Variants in WWOX observed in about 807,000 individuals in gnomAD.
The protein encoded by WWOX is WW domain containing oxidoreductase.
WWOX carries 69 observed loss-of-function variants against 46.2 expected under a neutral mutation model. That is an observed-to-expected ratio of 1.49 (90% CI 1.23 to 1.82). The LOEUF (loss-of-function observed/expected upper bound fraction) is 1.82, where lower values mean the gene tolerates loss of function less well. WWOX is among the 40% of genes most tolerant of loss of function. The pLI, the probability that WWOX is intolerant of heterozygous loss-of-function variation, is 0.00. For missense variants in WWOX, 919 were observed against 542.6 expected, an observed-to-expected ratio of 1.69 and a Z score of -6.89; for synonymous variants, 359 against 202.6, an observed-to-expected ratio of 1.77 and a Z score of -6.56.
intron 4 of WWOX, among the ~76,000 whole-genome samples, chr16:78,161,191 CT>C (rs1400047026): frequency 6.6e-6 from 1 of 151,644 alleles, no homozygotes; most frequent in Non-Finnish European, 1.5e-5. Flanking sequence ...AATGTACATT[CT>C]TTTTTAAGGA....
At chr16:78,424,672 C>A (rs1216118271) in intron 6 of WWOX, among the ~76,000 whole-genome samples, 198 bp from the exon 7 acceptor site, 1 of 152,156 alleles carries the variant, frequency 6.6e-6, no homozygotes, top group Non-Finnish European at 1.5e-5. Flanking sequence ...CACTCAAAGC[C>A]TTGTGACATT....
chr16:78,961,793 A>G (rs986010128), intron 8 of WWOX, among the ~76,000 whole-genome samples: 1 of 152,182 alleles, frequency 6.6e-6, no homozygotes, highest in African/African-American at 2.4e-5. Flanking sequence ...AGGTTATCAT[A>G]GTAGTCTTGC....
chr16:79,093,619 C>T (rs1038049469), intron 8 of WWOX, among the ~76,000 whole-genome samples: 3 of 152,156 alleles, frequency 2.0e-5, no homozygotes, highest in Non-Finnish European at 4.4e-5. Flanking sequence ...GCAGGGTGGC[C>T]CATTGGCACC....
chr16:78,950,029 C>T (rs989814740), intron 8 of WWOX, among the ~76,000 whole-genome samples: 13 of 152,302 alleles, frequency 8.5e-5, no homozygotes, highest in African/African-American at 3.1e-4. Context: ...CTTTCCAAGG[C>T]TGTGCAGCTC....
In WWOX at chr16:78,431,886, G is replaced by A. The variant is rs77507263; in HGVS notation, c.792-602G>A. Among the ~76,000 whole-genome samples, 716 of 151,826 alleles carry A rather than the reference G, an allele frequency of 4.7e-3. 8 individuals carry two copies. The highest frequency in any genetic ancestry group is 0.017 in the African/African-American group (688 of 41,394). ...CATGTGCCAAAATACTCAACTAATTGTTTATTTTTTGTAGACATGGTGTCT... is the reference window on the plus strand; with the variant it reads ...CATGTGCCAAAATACTCAACTAATTATTTATTTTTTGTAGACATGGTGTCT... On this transcript the variant is annotated intron_variant, in intron 7 of 8. Coordinates refer to ENST00000566780, the MANE Select transcript of WWOX (RefSeq NM_016373.4).
intron 8 of WWOX, among the ~76,000 whole-genome samples, chr16:78,519,501 A>G (rs2043305021): frequency 6.6e-6 from 1 of 151,542 alleles, no homozygotes; most frequent in Non-Finnish European, 1.5e-5. Context: ...ATATATATAT[A>G]TATATTACAT....
At chr16:78,531,477 T>C (rs189227536) in intron 8 of WWOX, among the ~76,000 whole-genome samples, 16 of 152,272 alleles carry the variant, frequency 1.1e-4, no homozygotes, top group Non-Finnish European at 1.6e-4. Flanking sequence ...ATACCAAAAA[T>C]TATCTTTTGT....
intron 8 of WWOX, among the ~76,000 whole-genome samples, chr16:78,875,045 A>G (rs557883663): frequency 2.4e-4 from 37 of 152,110 alleles, no homozygotes; most frequent in African/African-American, 7.2e-4. Flanking sequence ...GAAAGTTACT[A>G]TTTCATTTGC....
intron 8 of WWOX, among the ~76,000 whole-genome samples, chr16:79,086,612 G>T (rs972561477): frequency 1.3e-5 from 2 of 152,186 alleles, no homozygotes; most frequent in African/African-American, 2.4e-5. Context: ...CAGGTGCAGT[G>T]GCTCATGCCT....
chr16:78,139,967 C>T (rs537167205), intron 4 of WWOX, among the ~76,000 whole-genome samples: 14 of 152,292 alleles, frequency 9.2e-5, no homozygotes, highest in African/African-American at 3.1e-4. Flanking sequence ...TGGACAAGGG[C>T]GTCCCATAAG....
intron 4 of WWOX, among the ~76,000 whole-genome samples, chr16:78,133,287 G>A (rs1412544079): frequency 1.3e-5 from 2 of 152,294 alleles, no homozygotes; most frequent in Non-Finnish European, 2.9e-5. Context: ...GAAAGATGGA[G>A]TCTTGCACTG....
intron 8 of WWOX, among the ~76,000 whole-genome samples, chr16:79,166,265 C>T (rs923108282): frequency 5.9e-5 from 9 of 152,214 alleles, no homozygotes; most frequent in Non-Finnish European, 1.3e-4. Context: ...TCACTCCCAA[C>T]TCAGCAACCT....
intron 8 of WWOX, among the ~76,000 whole-genome samples, chr16:79,041,278 A>G (rs561536604): frequency 1.3e-5 from 2 of 152,092 alleles, no homozygotes; most frequent in South Asian, 2.1e-4. Flanking sequence ...AAGGTTAATC[A>G]TCTCCCTGTC....
intron 5 of WWOX, chr16:78,265,910 C>T (rs1202116518): frequency 6.6e-6 from 1 of 152,130 alleles, no homozygotes; most frequent in African/African-American, 2.4e-5. Context: ...TCATTTAATC[C>T]TCAAAACACA....
chr16:78,732,487 C>T (rs982050328), intron 8 of WWOX, among the ~76,000 whole-genome samples: 2 of 152,176 alleles, frequency 1.3e-5, no homozygotes, highest in Admixed American at 6.5e-5. Context: ...CAGAGGCTGA[C>T]TGTCCCCTTT....
chr16:78,738,695 G>C (rs2049144991), intron 8 of WWOX, among the ~76,000 whole-genome samples: 1 of 152,256 alleles, frequency 6.6e-6, no homozygotes, highest in Middle Eastern at 3.4e-3. Context: ...AGAATGTGTA[G>C]GAGACGGGTC....
intron 8 of WWOX, among the ~76,000 whole-genome samples, chr16:78,630,877 C>T (rs1175552299): frequency 2.5e-5 from 3 of 117,882 alleles, no homozygotes; most frequent in African/African-American, 5.0e-5. Flanking sequence ...ATGCAGTCAG[C>T]CCCCCTCTCT....
At chr16:79,169,083 A>G (rs1173346978) in intron 8 of WWOX, among the ~76,000 whole-genome samples, 5 of 152,342 alleles carry the variant, frequency 3.3e-5, no homozygotes, top group Non-Finnish European at 7.3e-5. Context: ...GCTGTTTTAT[A>G]AACATGATCC....
rs140353850 is a variant in WWOX, at chr16:78,985,421, C to T, written c.1057-226187C>T. 2.4e-3 allele frequency among the ~76,000 whole-genome samples: 358 copies of T among 150,710 alleles called. 3 individuals carry two copies. The highest frequency in any genetic ancestry group is 4.3e-3 in the Non-Finnish European group (292 of 68,016). ...GGTCCCCGTGCCATGAATCACTTCA[C>T]ATCTCTGGCTAGTACAGATCTCTCC... is the stretch of plus-strand genomic sequence containing the variant. On this transcript the variant is annotated intron_variant, in intron 8 of 8. Transcript: ENST00000566780.
Sources: gnomAD v4.1 joint callset for allele counts (sites outside exome capture counted in the v4.1 genomes callset) on GRCh38, gnomAD v4.1.1 for gene constraint, MANE v1.5 for transcripts, NCBI Gene and HGNC (gene_info 2026-07-23, HGNC 2026-07-21) for gene names.